EXD2: variants seen among roughly 807,000 people sequenced by gnomAD.
The protein encoded by EXD2 is exonuclease 3'-5' domain containing 2.
EXD2 carries 40 observed loss-of-function variants against 62.5 expected under a neutral mutation model. The observed-to-expected ratio is 0.64, with a 90% CI of 0.50 to 0.83. The LOEUF is 0.83. Ranked by LOEUF, EXD2 falls within the 40% of genes least tolerant of loss-of-function variation. The pLI, the probability that EXD2 is intolerant of heterozygous loss-of-function variation, is 0.00. For synonymous variants in EXD2, 239 were observed against 291.9 expected, an observed-to-expected ratio of 0.82 and a Z score of 1.85; for missense variants, 671 against 761.8, an observed-to-expected ratio of 0.88 and a Z score of 1.40.
At chr14:69,207,538 A>G (rs868043523) in intron 2 of EXD2, among the ~76,000 whole-genome samples, 42 of 152,302 alleles carry the variant, frequency 2.8e-4, no homozygotes, top group Middle Eastern at 3.4e-3. Context: ...TTAAATAGTA[A>G]TAAAAACCAT....
intron 1 of EXD2, among the ~76,000 whole-genome samples, chr14:69,199,816 C>T (rs2042328924): frequency 6.6e-6 from 1 of 152,078 alleles, no homozygotes. Flanking sequence ...AAGGAGCTGC[C>T]TGAGGTTGCT....
chr14:69,193,034 A>T (rs948274845), intron 1 of EXD2, among the ~76,000 whole-genome samples: 1 of 150,962 alleles, frequency 6.6e-6, no homozygotes, highest in Non-Finnish European at 1.5e-5. Context: ...CCCACGGTGG[A>T]TAATAATTTC....
intron 3 of EXD2, among the ~76,000 whole-genome samples, chr14:69,218,825 TGG>T (rs2043071476): frequency 6.6e-6 from 1 of 152,124 alleles, no homozygotes; most frequent in South Asian, 2.1e-4. Context: ...TGTAGATGTG[TGG>T]TATTATTTTT....
chr14:69,216,509 C>A (rs1212592722), intron 3 of EXD2, among the ~76,000 whole-genome samples: 1 of 152,094 alleles, frequency 6.6e-6, no homozygotes, highest in African/African-American at 2.4e-5. Flanking sequence ...CTCACTGCAG[C>A]CTCCACCTCC....
At chr14:69,233,887 C>T (rs1387178248) in intron 5 of EXD2, among the ~76,000 whole-genome samples, 1 of 151,842 alleles carries the variant, frequency 6.6e-6, no homozygotes, top group African/African-American at 2.4e-5. Context: ...TGCCTTAGGC[C>T]TCCTGAGTAG....
At chr14:69,215,774 T>G (rs527606584) in intron 3 of EXD2, among the ~76,000 whole-genome samples, 17 of 152,170 alleles carry the variant, frequency 1.1e-4, no homozygotes, top group Admixed American at 4.6e-4. Flanking sequence ...GTCATTTAGA[T>G]ATCCTCTTTT....
intron 3 of EXD2, among the ~76,000 whole-genome samples, chr14:69,226,750 A>C (rs116403479): frequency 1.3e-5 from 2 of 150,558 alleles, no homozygotes; most frequent in African/African-American, 4.9e-5. Context: ...TTGGAAAAAA[A>C]GTTGAGGGCC....
At chr14:69,201,672 G>GTTTTTTTTTTTTTTTTTT (rs71102634) in intron 1 of EXD2, among the ~76,000 whole-genome samples, 1 of 58,992 alleles carries the variant, frequency 1.7e-5, no homozygotes, top group African/African-American at 6.8e-5. Flanking sequence ...TGTTTTCTCT[G>GTTTTTTTTTTTTTTTTTT]TTTTTTTTTT....
chr14:69,204,985 T>G (rs948726440), intron 2 of EXD2, among the ~76,000 whole-genome samples: 14 of 152,228 alleles, frequency 9.2e-5, no homozygotes, highest in Admixed American at 3.3e-4. Flanking sequence ...AGTCACACAT[T>G]AATCATTCAG....
chr14:69,211,804 C>T (rs748741414), intron 3 of EXD2, among the ~76,000 whole-genome samples: 8 of 152,148 alleles, frequency 5.3e-5, no homozygotes, highest in Non-Finnish European at 1.2e-4. Context: ...CGAAGGATAA[C>T]TTGAGCAACA....
chr14:69,208,284 C>T (rs1005614983), intron 2 of EXD2, among the ~76,000 whole-genome samples: 39 of 142,186 alleles, frequency 2.7e-4, no homozygotes, highest in African/African-American at 9.0e-4. Context: ...GATCTCGGCT[C>T]ACTGCAAGCT....
intron 1 of EXD2, among the ~76,000 whole-genome samples, chr14:69,200,986 A>G (rs1436368391): frequency 6.6e-6 from 1 of 151,464 alleles, no homozygotes; most frequent in Non-Finnish European, 1.5e-5. Context: ...AGGCAGGAGA[A>G]TTGCTTGAAC....
At chr14:69,209,230 G>A (rs1186275122) in intron 2 of EXD2, 194 bp from the exon 3 acceptor site, 1 of 325,736 alleles carries the variant, frequency 3.1e-6, no homozygotes, top group Admixed American at 4.5e-5. Flanking sequence ...GGTGAGGATG[G>A]AGATAGAGAT....
intron 3 of EXD2, among the ~76,000 whole-genome samples, chr14:69,211,903 A>G (rs2042816907): frequency 6.6e-6 from 1 of 152,192 alleles, no homozygotes; most frequent in Non-Finnish European, 1.5e-5. Flanking sequence ...AAAGTGGCAA[A>G]TAATCTAACC....
chr14:69,192,013 A>T (rs2042044859), intron 1 of EXD2: 1 of 152,282 alleles, frequency 6.6e-6, no homozygotes, highest in Non-Finnish European at 1.5e-5. Flanking sequence ...ACGCGGCAAC[A>T]GCTGCTGTTT....
intron 3 of EXD2, among the ~76,000 whole-genome samples, chr14:69,220,868 T>A (rs1219536650): frequency 1.3e-5 from 2 of 152,068 alleles, no homozygotes; most frequent in African/African-American, 4.8e-5. Context: ...AAACTCTTTC[T>A]AAGTCAATCA....
At chr14:69,221,803 G>A (rs1319929693) in intron 3 of EXD2, among the ~76,000 whole-genome samples, 1 of 151,132 alleles carries the variant, frequency 6.6e-6, no homozygotes, top group African/African-American at 2.4e-5. Flanking sequence ...GCTGGGTGAG[G>A]TGGCTCATGC....
chr14:69,195,625 C>T (rs1297983386), intron 1 of EXD2, among the ~76,000 whole-genome samples: 1 of 152,110 alleles, frequency 6.6e-6, no homozygotes, highest in African/African-American at 2.4e-5. Context: ...AATTTTAGAA[C>T]ATTTTTATCA....
chr14:69,228,828 G>A lies in EXD2; in HGVS notation c.346G>A (p.Gly116Ser). 6.2e-7 allele frequency: 1 copy of A among 1,612,804 alleles called. No individual in the cohort carries two copies. The highest frequency in any genetic ancestry group is 1.1e-5 in the South Asian group (1 of 90,830). ...TCCTCTGTTGCAGGTAAATTTGGAA[G>A]GCAAAGCCAGCCCTCTGTCACTTCT... ...GIDCEWVNLE[G>S]KASPLSLLQM... Residue 116 changes from glycine (G) to serine (S), a missense_variant, in exon 4 of 10, where the codon GGC becomes AGC. Gly to Ser is a moderately conservative substitution (Grantham distance 56, BLOSUM62 0). Transcript: ENST00000685843.
Sources: allele counts gnomAD v4.1 joint callset (sites outside exome capture counted in the v4.1 genomes callset), GRCh38; gene constraint gnomAD v4.1.1; transcripts MANE v1.5; gene names NCBI Gene and HGNC (gene_info 2026-07-23, HGNC 2026-07-21).